The following AMD1 variants were observed in gnomAD, a reference collection of about 807,000 sequenced individuals.
The protein encoded by AMD1 is adenosylmethionine decarboxylase 1, also known as S-adenosylmethionine decarboxylase proenzyme.
In AMD1, 11 loss-of-function variants were observed where a neutral mutation model predicts 40.2. That is an observed-to-expected ratio of 0.27 (90% CI 0.17 to 0.45). The LOEUF is 0.45. Ranked by LOEUF, AMD1 falls within the 20% of genes least tolerant of loss-of-function variation. The pLI is 1.00. For synonymous variants in AMD1, 121 were observed against 130.8 expected, an observed-to-expected ratio of 0.93 and a Z score of 0.51; for missense variants, 257 against 410.2, an observed-to-expected ratio of 0.63 and a Z score of 3.23.
the AMD1 span, among the ~76,000 whole-genome samples, chr6:110,820,150 A>G: frequency 6.6e-6 from 1 of 152,072 alleles, no homozygotes; most frequent in Non-Finnish European, 1.5e-5. Context: ...TGCTCTGCCT[A>G]TGGAGTAGCC....
intron 1 of AMD1, among the ~76,000 whole-genome samples, chr6:110,884,767 T>C (rs1488199677): frequency 6.6e-6 from 1 of 152,210 alleles, no homozygotes; most frequent in Non-Finnish European, 1.5e-5. Context: ...TTACACTGTT[T>C]AGTTCAGCCA....
chr6:110,857,763 A>G, the AMD1 span, among the ~76,000 whole-genome samples: 1 of 146,660 alleles, frequency 6.8e-6, no homozygotes, highest in Admixed American at 6.9e-5. Context: ...ATATATATAG[A>G]TGGTGTGTAT....
At chr6:110,860,829 C>CA in the AMD1 span, among the ~76,000 whole-genome samples, 45 of 116,482 alleles carry the variant, frequency 3.9e-4, no homozygotes, top group African/African-American at 1.3e-3. Context: ...AACAAAACAC[C>CA]CACCCACACA....
At chr6:110,831,407 C>T in the AMD1 span, among the ~76,000 whole-genome samples, 1 of 151,582 alleles carries the variant, frequency 6.6e-6, no homozygotes, top group Non-Finnish European at 1.5e-5. Flanking sequence ...GCATTGTACT[C>T]CAACCTGGGC....
At chr6:110,875,804 G>A (rs992637458) in intron 1 of AMD1, among the ~76,000 whole-genome samples, 1 of 152,152 alleles carries the variant, frequency 6.6e-6, no homozygotes, top group Admixed American at 6.5e-5. Context: ...TGGCGTTCGG[G>A]CGGCGGGGAT....
chr6:110,829,975 T>C, the AMD1 span, among the ~76,000 whole-genome samples: 5 of 152,130 alleles, frequency 3.3e-5, no homozygotes, highest in East Asian at 9.6e-4. Context: ...GTCCTATTTT[T>C]CCCATAGAAA....
the AMD1 span, among the ~76,000 whole-genome samples, chr6:110,860,997 G>A: frequency 2.0e-5 from 3 of 152,008 alleles, no homozygotes; most frequent in East Asian, 1.9e-4. Flanking sequence ...AGGTCAAGGC[G>A]GGTGGATCAC....
the AMD1 span, among the ~76,000 whole-genome samples, chr6:110,844,912 C>T: frequency 1.3e-5 from 2 of 152,052 alleles, no homozygotes; most frequent in African/African-American, 4.8e-5. Flanking sequence ...GCATCTGCTT[C>T]TGGTGAGCCT....
At chr6:110,858,641 G>C in the AMD1 span, 3 of 1,315,506 alleles carry the variant, frequency 2.3e-6, no homozygotes, top group South Asian at 3.6e-5. Flanking sequence ...CAGGACTAAG[G>C]GGCTGCAGAG....
the AMD1 span, among the ~76,000 whole-genome samples, chr6:110,829,194 C>A: frequency 6.6e-6 from 1 of 151,560 alleles, no homozygotes; most frequent in Non-Finnish European, 1.5e-5. Flanking sequence ...CTGTGCCGAC[C>A]TCTTTACAGT....
At chr6:110,881,591 G>A (rs1479526917) in intron 1 of AMD1, among the ~76,000 whole-genome samples, 1 of 152,038 alleles carries the variant, frequency 6.6e-6, no homozygotes, top group East Asian at 1.9e-4. Context: ...CGAGGCGGGT[G>A]GATTGCTTGA....
chr6:110,828,871 G>C, the AMD1 span, among the ~76,000 whole-genome samples: 1 of 152,034 alleles, frequency 6.6e-6, no homozygotes, highest in East Asian at 1.9e-4. Flanking sequence ...CATCTGTCCT[G>C]CTGTTAAAGC....
intron 3 of AMD1, chr6:110,889,539 G>A (rs372158700): frequency 1.3e-5 from 2 of 152,294 alleles, no homozygotes; most frequent in Non-Finnish European, 2.9e-5. Flanking sequence ...CACCTCCCAG[G>A]TTCAAGTGAT....
the AMD1 span, among the ~76,000 whole-genome samples, chr6:110,860,948 G>A: frequency 6.6e-6 from 1 of 151,698 alleles, no homozygotes; most frequent in Admixed American, 6.6e-5. Flanking sequence ...TTGGCTGGTC[G>A]GGTACAGTGG....
chr6:110,855,065 C>T, the AMD1 span, among the ~76,000 whole-genome samples: 10 of 80,464 alleles, frequency 1.2e-4, no homozygotes, highest in East Asian at 1.0e-3. Context: ...CTCTCTCTCT[C>T]TTTTTTTTTT....
the AMD1 span, among the ~76,000 whole-genome samples, chr6:110,850,915 T>A: frequency 4.6e-5 from 7 of 152,192 alleles, no homozygotes; most frequent in Non-Finnish European, 8.8e-5. Flanking sequence ...AATACAGAGG[T>A]AATATATGAT....
At chr6:110,867,502 A>G in the AMD1 span, among the ~76,000 whole-genome samples, 2 of 152,098 alleles carry the variant, frequency 1.3e-5, no homozygotes, top group Non-Finnish European at 2.9e-5. Context: ...CATCTCTACT[A>G]AAAATACAAA....
At chr6:110,873,343 A>ATG (rs1784954121), upstream of AMD1, among the ~76,000 whole-genome samples, 1 of 152,254 alleles carries the variant, frequency 6.6e-6, no homozygotes, top group South Asian at 2.1e-4. Flanking sequence ...CAGCCTGGGC[A>ATG]ACAGAGCGAG....
intron 1 of AMD1, among the ~76,000 whole-genome samples, chr6:110,885,626 A>G (rs1408750321): frequency 1.3e-5 from 2 of 152,176 alleles, no homozygotes; most frequent in Non-Finnish European, 2.9e-5. Flanking sequence ...CACAGTATAT[A>G]TCCCACATAT....
Sources: allele counts gnomAD v4.1 joint callset (sites outside exome capture counted in the v4.1 genomes callset), GRCh38; gene constraint gnomAD v4.1.1; transcripts MANE v1.5; gene names NCBI Gene and HGNC (gene_info 2026-07-23, HGNC 2026-07-21).